PCDH15: variants seen among roughly 807,000 people sequenced by gnomAD.
PCDH15 encodes the protein protocadherin related 15.
In PCDH15, 129 loss-of-function variants were observed where a neutral mutation model predicts 178.5. That is an observed-to-expected ratio of 0.72 (90% CI 0.63 to 0.84). PCDH15 has a LOEUF of 0.84. Among genes scored for constraint, PCDH15 ranks in the 40% least tolerant of loss-of-function variants. The pLI, the probability that PCDH15 is intolerant of heterozygous loss-of-function variation, is 0.00. For missense variants in PCDH15, 2,230 were observed against 2,099.9 expected (o/e 1.06, Z -1.21); for synonymous variants, 800 against 732.0 (o/e 1.09, Z -1.50).
intron 29 of PCDH15, among the ~76,000 whole-genome samples, chr10:53,834,821 G>A (rs537029357): frequency 4.5e-4 from 69 of 152,130 alleles, no homozygotes; most frequent in Admixed American, 3.5e-3. Flanking sequence ...TCTCACCTTC[G>A]TGACTGATTA....
At chr10:54,228,647 A>G (rs561661338) in intron 9 of PCDH15, among the ~76,000 whole-genome samples, 1 of 152,300 alleles carries the variant, frequency 6.6e-6, no homozygotes, top group South Asian at 2.1e-4. Context: ...CTGAGAACTA[A>G]GCACTGTAAT....
chr10:55,447,401 C>A (rs761091268), intron 2 of PCDH15, among the ~76,000 whole-genome samples: 1 of 151,952 alleles, frequency 6.6e-6, no homozygotes, highest in Non-Finnish European at 1.5e-5. Context: ...TATCATAGAA[C>A]GTTTAAGTCC....
At chr10:53,828,042 A>G (rs1477202796) in intron 31 of PCDH15, among the ~76,000 whole-genome samples, 1 of 151,916 alleles carries the variant, frequency 6.6e-6, no homozygotes, top group Non-Finnish European at 1.5e-5. Flanking sequence ...ATCCTTTAAG[A>G]TTCCTAGGAA....
At chr10:54,428,229 A>G (rs1956532336) in intron 3 of PCDH15, among the ~76,000 whole-genome samples, 1 of 152,192 alleles carries the variant, frequency 6.6e-6, no homozygotes, top group South Asian at 2.1e-4. Flanking sequence ...CTCCTTTCGG[A>G]GAGCATCCAT....
chr10:55,076,262 C>T (rs1471172693), intron 2 of PCDH15, among the ~76,000 whole-genome samples: 1 of 152,016 alleles, frequency 6.6e-6, no homozygotes, highest in Non-Finnish European at 1.5e-5. Context: ...CTCTAAAGTC[C>T]AATTTAAGTC....
At chr10:54,956,214 G>A (rs1015808203) in intron 2 of PCDH15, among the ~76,000 whole-genome samples, 3 of 151,120 alleles carry the variant, frequency 2.0e-5, no homozygotes, top group Admixed American at 6.6e-5. Context: ...TAAGTATTGT[G>A]TATTATATAT....
At chr10:54,975,244 A>G (rs989058835) in intron 2 of PCDH15, among the ~76,000 whole-genome samples, 2 of 152,202 alleles carry the variant, frequency 1.3e-5, no homozygotes, top group Non-Finnish European at 1.5e-5. Context: ...AGGTGCCTAT[A>G]GCAGATATTC....
chr10:54,981,943 T>C (rs987647265), intron 2 of PCDH15, among the ~76,000 whole-genome samples: 1 of 151,916 alleles, frequency 6.6e-6, no homozygotes, highest in African/African-American at 2.4e-5. Flanking sequence ...TTCCTTTTTT[T>C]TTTTTCTTTA....
intron 26 of PCDH15, among the ~76,000 whole-genome samples, chr10:53,893,869 A>T (rs554395321): frequency 6.6e-6 from 1 of 152,274 alleles, no homozygotes; most frequent in South Asian, 2.1e-4. Context: ...TGACAGGTGC[A>T]CCAAAATCTC....
At chr10:54,820,895 C>A (rs1437004291) in intron 3 of PCDH15, among the ~76,000 whole-genome samples, 1 of 151,902 alleles carries the variant, frequency 6.6e-6, no homozygotes, top group African/African-American at 2.4e-5. Flanking sequence ...AATTTTATGA[C>A]CCTCAAAGAA....
At chr10:54,158,800 A>G (rs972061886) in intron 13 of PCDH15, among the ~76,000 whole-genome samples, 1 of 152,170 alleles carries the variant, frequency 6.6e-6, no homozygotes. Flanking sequence ...ATGAATAAAT[A>G]TATTTTTTAT....
At chr10:55,452,600 T>C (rs529860466) in intron 2 of PCDH15, among the ~76,000 whole-genome samples, 2 of 152,330 alleles carry the variant, frequency 1.3e-5, no homozygotes, top group African/African-American at 2.4e-5. Context: ...TGTTCTTTTA[T>C]GGTGTATACT....
At chr10:54,481,069 GA>G (rs2078682157) in intron 3 of PCDH15, among the ~76,000 whole-genome samples, 1 of 151,870 alleles carries the variant, frequency 6.6e-6, no homozygotes, top group South Asian at 2.1e-4. Flanking sequence ...ATTAAGCGAA[GA>G]TTTTAGTAAC....
At chr10:55,520,788 ATTCTT>A (rs1358914777) in intron 2 of PCDH15, among the ~76,000 whole-genome samples, 3 of 151,878 alleles carry the variant, frequency 2.0e-5, no homozygotes, top group Non-Finnish European at 2.9e-5. Context: ...ACTCTTCTGT[ATTCTT>A]TTCAAGAAAA....
At chr10:54,127,473 T>C (rs1416428580) in intron 15 of PCDH15, among the ~76,000 whole-genome samples, 1 of 152,196 alleles carries the variant, frequency 6.6e-6, no homozygotes, top group East Asian at 1.9e-4. Flanking sequence ...AAGAATTTTA[T>C]CGTAAATAAG....
At chr10:55,041,553 T>A (rs2131977539) in intron 2 of PCDH15, among the ~76,000 whole-genome samples, 1 of 152,276 alleles carries the variant, frequency 6.6e-6, no homozygotes, top group Middle Eastern at 3.4e-3. Context: ...GTCCTGCATT[T>A]TTTTTTCTTG....
At chr10:54,628,244 C>T (rs927567021) in intron 2 of PCDH15, among the ~76,000 whole-genome samples, 3 of 152,142 alleles carry the variant, frequency 2.0e-5, no homozygotes, top group Non-Finnish European at 4.4e-5. Context: ...TTACCATGCA[C>T]GAGAAGAAGC....
intron 1 of PCDH15, among the ~76,000 whole-genome samples, chr10:54,743,238 TG>T (rs1167155984): frequency 6.6e-5 from 10 of 152,058 alleles, no homozygotes; most frequent in Non-Finnish European, 1.2e-4. Context: ...AAAGCAAGAT[TG>T]TAGATTCATC....
intron 2 of PCDH15, among the ~76,000 whole-genome samples, chr10:55,128,630 G>T (rs949759237): frequency 1.3e-5 from 2 of 152,006 alleles, no homozygotes; most frequent in Non-Finnish European, 2.9e-5. Context: ...CAAATCTCCT[G>T]ACTGTCATAC....
Sources: allele counts gnomAD v4.1 joint callset (sites outside exome capture counted in the v4.1 genomes callset), GRCh38; gene constraint gnomAD v4.1.1; transcripts MANE v1.5; gene names NCBI Gene and HGNC (gene_info 2026-07-23, HGNC 2026-07-21).